The following SUMF1 variants were observed in gnomAD, a reference collection of about 807,000 sequenced individuals.
The protein encoded by SUMF1 is formylglycine-generating enzyme.
In SUMF1, 48 loss-of-function variants were observed where a neutral mutation model predicts 47.6. The observed-to-expected ratio is 1.01, with a 90% confidence interval of 0.80 to 1.28. The LOEUF (loss-of-function observed/expected upper bound fraction) is 1.28. SUMF1 is among the 50% of genes most tolerant of loss of function. The pLI is 0.00. For synonymous variants in SUMF1, 230 were observed against 192.1 expected (o/e 1.20, Z -1.63); for missense variants, 571 against 485.4 (o/e 1.18, Z -1.66).
intron 8 of SUMF1, among the ~76,000 whole-genome samples, chr3:4,077,610 A>G (rs528485263): frequency 6.6e-6 from 1 of 152,166 alleles, no homozygotes; most frequent in South Asian, 2.1e-4. Flanking sequence ...CAACAATGAG[A>G]GCACATGGAC....
In SUMF1 at chr3:4,389,750, G is replaced by C. The variant is rs962271743; in HGVS notation, c.955-13361C>G. On this transcript the variant is annotated intron_variant, in intron 7 of 8. Transcript: ENST00000272902. ...CCTCTGTGCCCTCCATTCTGCTGTT[G>C]AGCCCATACACTGAGCTTTTTAGTT... Among the ~76,000 whole-genome samples the C allele has an allele frequency of 3.3e-5, 5 of 151,990 alleles. No homozygotes were observed. In the South Asian group the frequency reaches 6.2e-4, roughly 19 times the overall value.
At chr3:4,258,995 C>T (rs958359718) in intron 8 of SUMF1, among the ~76,000 whole-genome samples, 3 of 149,330 alleles carry the variant, frequency 2.0e-5, no homozygotes, top group African/African-American at 7.4e-5. Flanking sequence ...TCATCATTCT[C>T]AGTAAACTAT....
chr3:4,042,819 G>A (rs990510716), intron 9 of SUMF1, among the ~76,000 whole-genome samples: 2 of 152,038 alleles, frequency 1.3e-5, no homozygotes, highest in Admixed American at 6.5e-5. Flanking sequence ...GGGTTGCGGG[G>A]GAGAAACAGA....
At chr3:4,227,399 A>G (rs1574997769) in intron 8 of SUMF1, among the ~76,000 whole-genome samples, 2 of 152,126 alleles carry the variant, frequency 1.3e-5, no homozygotes, top group South Asian at 2.1e-4. Flanking sequence ...GTCAAGTGCT[A>G]TGAAGAAAAA....
At chr3:4,252,813 G>T (rs939911818) in intron 8 of SUMF1, among the ~76,000 whole-genome samples, 2 of 152,082 alleles carry the variant, frequency 1.3e-5, no homozygotes, top group African/African-American at 4.8e-5. Context: ...CTGACTCAGT[G>T]AATATTCAGG....
intron 3 of SUMF1, among the ~76,000 whole-genome samples, chr3:4,437,056 G>C (rs975792089): frequency 6.6e-6 from 1 of 152,118 alleles, no homozygotes; most frequent in African/African-American, 2.4e-5. Context: ...TAACAAGAAA[G>C]TTTACTACCA....
At chr3:4,232,631 T>C (rs781361222) in intron 8 of SUMF1, among the ~76,000 whole-genome samples, 1 of 152,064 alleles carries the variant, frequency 6.6e-6, no homozygotes, top group Non-Finnish European at 1.5e-5. Flanking sequence ...AAGAAAGCTA[T>C]AACCAACAGA....
chr3:4,366,003 TG>T (rs1699941362), intron 8 of SUMF1, among the ~76,000 whole-genome samples: 1 of 151,948 alleles, frequency 6.6e-6, no homozygotes, highest in Non-Finnish European at 1.5e-5. Flanking sequence ...TATGAAATTC[TG>T]GGTTGAAAAT....
intron 8 of SUMF1, among the ~76,000 whole-genome samples, chr3:4,252,350 G>C (rs1696820970): frequency 1.6e-5 from 2 of 122,024 alleles, no homozygotes; most frequent in Non-Finnish European, 3.5e-5. Flanking sequence ...ATACACACAT[G>C]CGCACACACA....
At chr3:4,461,893 A>C (rs1379286138) in intron 1 of SUMF1, among the ~76,000 whole-genome samples, 1 of 152,218 alleles carries the variant, frequency 6.6e-6, no homozygotes, top group African/African-American at 2.4e-5. Flanking sequence ...TGAAGGTTCA[A>C]ATTCAAACAA....
At chr3:4,350,332 CGTGTGTGT>C (rs10674918) in intron 8 of SUMF1, among the ~76,000 whole-genome samples, 14 of 146,570 alleles carry the variant, frequency 9.6e-5, no homozygotes, top group African/African-American at 3.3e-4. Flanking sequence ...TGTGTATATG[CGTGTGTGT>C]GTGTGTGTGT....
chr3:4,259,963 G>C (rs1312888699), intron 8 of SUMF1, among the ~76,000 whole-genome samples: 2 of 151,206 alleles, frequency 1.3e-5, no homozygotes, highest in East Asian at 1.9e-4. Flanking sequence ...TAGTTGTCGT[G>C]AGTTAGAAAG....
intron 8 of SUMF1, among the ~76,000 whole-genome samples, chr3:4,138,204 AGAC>A (rs1348803434): frequency 1.3e-5 from 2 of 152,152 alleles, no homozygotes; most frequent in Non-Finnish European, 2.9e-5. Context: ...AATATTGTTA[AGAC>A]GACAACACTA....
At chr3:4,169,370 T>A (rs1482668589) in intron 8 of SUMF1, among the ~76,000 whole-genome samples, 1 of 152,068 alleles carries the variant, frequency 6.6e-6, no homozygotes, top group Admixed American at 6.6e-5. Context: ...ATGACTAGTA[T>A]CTTTATAAAA....
chr3:4,035,885 T>TAG (rs1553587771), intron 9 of SUMF1, among the ~76,000 whole-genome samples: 1 of 152,132 alleles, frequency 6.6e-6, no homozygotes, highest in African/African-American at 2.4e-5. Context: ...TGAGATATGT[T>TAG]AGAGACACTG....
In SUMF1 at chr3:4,210,820, C is replaced by T. The variant is rs116249021; in HGVS notation, c.1015-142075G>A. The stretch of plus-strand genomic sequence containing the variant: ...TCCCAAAGGAGATTAACATTTGTGT[C>T]GCTGGGCTGGGAAAGGCAGACCCAC... On this transcript the variant is annotated intron_variant and NMD_transcript_variant, in intron 8 of 12. Coordinates refer to the SUMF1 transcript ENST00000448413. Among the ~76,000 whole-genome samples the T allele has an allele frequency of 9.2e-3, 1,399 of 151,840 alleles. 23 individuals carry two copies. The highest frequency in any genetic ancestry group is 0.032 in the African/African-American group (1,331 of 41,370).
intron 8 of SUMF1, among the ~76,000 whole-genome samples, chr3:4,088,263 T>C (rs944437479): frequency 2.6e-5 from 4 of 152,136 alleles, no homozygotes; most frequent in African/African-American, 9.7e-5. Flanking sequence ...ACCAGTCTGC[T>C]TTTTACAATG....
chr3:4,342,068 A>G (rs1575112656), intron 8 of SUMF1, among the ~76,000 whole-genome samples: 3 of 152,326 alleles, frequency 2.0e-5, no homozygotes, highest in East Asian at 3.9e-4. Flanking sequence ...ACAGGTTCCA[A>G]CAAAGAAAGC....
intron 3 of SUMF1, among the ~76,000 whole-genome samples, chr3:4,444,541 T>G (rs1702714480): frequency 6.6e-6 from 1 of 152,186 alleles, no homozygotes; most frequent in Non-Finnish European, 1.5e-5. Flanking sequence ...TAAAAACCTA[T>G]TCTCAGTAAT....
Sources: gnomAD v4.1 joint callset for allele counts (sites outside exome capture counted in the v4.1 genomes callset) on GRCh38, gnomAD v4.1.1 for gene constraint, MANE v1.5 for transcripts, NCBI Gene and HGNC (gene_info 2026-07-23, HGNC 2026-07-21) for gene names.